LRRTM4: variants seen among roughly 807,000 people sequenced by gnomAD.
The protein encoded by LRRTM4 is leucine rich repeat transmembrane neuronal 4.
Under a neutral mutation model 47.6 loss-of-function variants are expected in LRRTM4, and 25 were observed. The observed-to-expected ratio is 0.53, with a 90% confidence interval of 0.38 to 0.73. The LOEUF is 0.73. Ranked by LOEUF, LRRTM4 falls within the 30% of genes least tolerant of loss-of-function variation. The pLI, the probability that LRRTM4 is intolerant of heterozygous loss-of-function variation, is 0.00. For missense variants in LRRTM4, 638 were observed against 713.4 expected (o/e 0.89, Z 1.20); for synonymous variants, 311 against 269.5 (o/e 1.15, Z -1.51).
chr2:76,821,430 C>T (rs1476608802), intron 3 of LRRTM4, among the ~76,000 whole-genome samples: 4 of 151,592 alleles, frequency 2.6e-5, no homozygotes, highest in Admixed American at 6.6e-5. Context: ...TATTTTCCTC[C>T]TGAGTTCTAA....
intron 3 of LRRTM4, among the ~76,000 whole-genome samples, chr2:77,342,108 C>T (rs1368059761): frequency 2.6e-5 from 4 of 151,868 alleles, no homozygotes; most frequent in African/African-American, 7.2e-5. Context: ...ATGTACTATA[C>T]CAATACACTC....
chr2:77,180,590 C>A (rs1044308989), intron 3 of LRRTM4, among the ~76,000 whole-genome samples: 11 of 152,200 alleles, frequency 7.2e-5, no homozygotes, highest in African/African-American at 2.4e-4. Context: ...TAAAATATAC[C>A]TTTCATTATC....
intron 3 of LRRTM4, among the ~76,000 whole-genome samples, chr2:77,091,322 C>T (rs1227007963): frequency 2.1e-5 from 3 of 144,066 alleles, no homozygotes; most frequent in Non-Finnish European, 4.4e-5. Context: ...CTTACCATCT[C>T]ATTAAAACCT....
In LRRTM4 at chr2:77,120,034, T is replaced by C. The variant is rs1039002871; in HGVS notation, c.1552-371118A>G. Among the ~76,000 whole-genome samples the C allele has an allele frequency of 1.6e-4, 25 of 151,968 alleles. No individual in the cohort carries two copies. In the Middle Eastern group the frequency reaches 0.01, roughly 62 times the overall value. ...CTACTGGTTGGGCAGATCTCTAGGA[T>C]AGCTTTCATGTAGTGACTCAGTGAT... On this transcript the variant is annotated intron_variant, in intron 3 of 3. Coordinates refer to ENST00000409884, the MANE Select transcript of LRRTM4 (RefSeq NM_001134745.3).
chr2:76,856,597 A>T (rs1208136647), intron 3 of LRRTM4, among the ~76,000 whole-genome samples: 1 of 152,168 alleles, frequency 6.6e-6, no homozygotes, highest in Non-Finnish European at 1.5e-5. Flanking sequence ...TAATAGGAAA[A>T]AGAAGAAAAC....
intron 3 of LRRTM4, among the ~76,000 whole-genome samples, chr2:77,007,520 G>A (rs1165382313): frequency 6.6e-6 from 1 of 152,114 alleles, no homozygotes; most frequent in East Asian, 1.9e-4. Context: ...ATTCACTGGA[G>A]GACCAAGGAA....
chr2:76,965,797 TTACA>T (rs1676005287), intron 3 of LRRTM4, among the ~76,000 whole-genome samples: 1 of 151,420 alleles, frequency 6.6e-6, no homozygotes, highest in South Asian at 2.1e-4. Flanking sequence ...AATGTCACAA[TTACA>T]TAAGTTATAT....
intron 3 of LRRTM4, among the ~76,000 whole-genome samples, chr2:77,410,780 AACTG>A (rs1290404967): frequency 2.6e-5 from 4 of 152,174 alleles, no homozygotes; most frequent in African/African-American, 9.7e-5. Context: ...TAAGCTCTAA[AACTG>A]ACTGAGCACA....
intron 3 of LRRTM4, among the ~76,000 whole-genome samples, chr2:76,791,014 G>C (rs1398708420): frequency 2.0e-5 from 3 of 152,120 alleles, no homozygotes; most frequent in Non-Finnish European, 4.4e-5. Flanking sequence ...TGATAAGCTA[G>C]GATGATGGTT....
At position 76,748,763 on chromosome 2, in the gene LRRTM4, G is replaced by C. The variant is rs758741157; in HGVS notation, c.1705C>G (p.His569Asp). Reference protein sequence around the residue: ...ESPGLELGRDHSFIATIARSA... With the variant: ...ESPGLELGRDDSFIATIARSA... Reference sequence around the variant, plus strand: ...CTGGCGATGGTGGCGATGAAGCTGTGGTCTCGGCCCAGCTCCAGGCCGGGG... The same window carrying C: ...CTGGCGATGGTGGCGATGAAGCTGTCGTCTCGGCCCAGCTCCAGGCCGGGG... The change falls in exon 4 of 4, where the codon CAC (histidine) becomes GAC (aspartate). Residue 569 changes from histidine (H) to aspartate (D), a missense_variant. Coordinates refer to ENST00000409884, the MANE Select transcript of LRRTM4 (RefSeq NM_001134745.3). 1 of 1,613,808 alleles carries C rather than the reference G, an allele frequency of 6.2e-7. No individual in the cohort carries two copies. The highest frequency in any genetic ancestry group is 1.3e-5 in the African/African-American group (1 of 74,908).
At chr2:76,953,754 G>C (rs1159463742) in intron 3 of LRRTM4, among the ~76,000 whole-genome samples, 3 of 151,952 alleles carry the variant, frequency 2.0e-5, no homozygotes, top group African/African-American at 2.4e-5. Context: ...GGAAAAAGTA[G>C]AGTAGAATGT....
chr2:77,417,580 A>C (rs981989791), intron 3 of LRRTM4, among the ~76,000 whole-genome samples: 2 of 152,174 alleles, frequency 1.3e-5, no homozygotes, highest in Admixed American at 6.5e-5. Flanking sequence ...TGATGAGTTC[A>C]TGTCCTTTGT....
chr2:76,977,890 A>G (rs1648636098), intron 3 of LRRTM4, among the ~76,000 whole-genome samples: 1 of 152,010 alleles, frequency 6.6e-6, no homozygotes, highest in Admixed American at 6.6e-5. Context: ...TGGTGAAAAC[A>G]GTGGGATGTC....
chr2:76,812,542 G>A (rs1263853123), intron 3 of LRRTM4, among the ~76,000 whole-genome samples: 1 of 152,038 alleles, frequency 6.6e-6, no homozygotes, highest in African/African-American at 2.4e-5. Context: ...GATTTAATAG[G>A]CTCAGCATGG....
chr2:76,804,783 T>TA (rs2103788687), intron 3 of LRRTM4, among the ~76,000 whole-genome samples: 1 of 149,968 alleles, frequency 6.7e-6, no homozygotes, highest in East Asian at 2.0e-4. Context: ...TCATGTTTTA[T>TA]ATATATATCA....
intron 3 of LRRTM4, among the ~76,000 whole-genome samples, chr2:77,193,417 T>C (rs1440591457): frequency 1.3e-5 from 2 of 152,178 alleles, no homozygotes; most frequent in African/African-American, 4.8e-5. Context: ...TTAAATACAT[T>C]TTATGAAATA....
intron 3 of LRRTM4, among the ~76,000 whole-genome samples, chr2:77,316,215 C>T (rs1400779510): frequency 1.3e-5 from 2 of 152,058 alleles, no homozygotes; most frequent in South Asian, 2.1e-4. Flanking sequence ...CTTTCAACAC[C>T]TCCCAAGTAC....
chr2:77,394,922 G>C (rs570307036), intron 3 of LRRTM4, among the ~76,000 whole-genome samples: 10 of 151,996 alleles, frequency 6.6e-5, no homozygotes, highest in Admixed American at 2.6e-4. Context: ...TGTGGAACAG[G>C]GGGTGGAGGG....
At chr2:76,906,943 C>A (rs1312822335) in intron 3 of LRRTM4, among the ~76,000 whole-genome samples, 1 of 151,894 alleles carries the variant, frequency 6.6e-6, no homozygotes, top group Non-Finnish European at 1.5e-5. Context: ...ATCAATGAGA[C>A]AGAAAGTTAA....
Sources: gnomAD v4.1 joint callset for allele counts (sites outside exome capture counted in the v4.1 genomes callset) on GRCh38, gnomAD v4.1.1 for gene constraint, MANE v1.5 for transcripts, NCBI Gene and HGNC (gene_info 2026-07-23, HGNC 2026-07-21) for gene names.